KIF13A: variants seen among roughly 807,000 people sequenced by gnomAD.
KIF13A encodes the protein kinesin family member 13A.
In KIF13A, 79 loss-of-function variants were observed where a neutral mutation model predicts 212.2. That is an observed-to-expected ratio of 0.37 (90% CI 0.31 to 0.45). KIF13A has a LOEUF of 0.45. KIF13A is among the 20% of genes least tolerant of loss of function. The pLI, the probability that KIF13A is intolerant of heterozygous loss-of-function variation, is 1.00. For missense variants in KIF13A, 1,901 were observed against 2,209.0 expected (o/e 0.86, Z 2.79); for synonymous variants, 789 against 808.6 (o/e 0.98, Z 0.41).
chr6:17,986,871 G>A (rs1345098624), intron 2 of KIF13A, among the ~76,000 whole-genome samples, 183 bp downstream of exon 2: 2 of 152,206 alleles, frequency 1.3e-5, no homozygotes, highest in Non-Finnish European at 1.5e-5. Context: ...CGCTCTAGAT[G>A]GAGGAGAAGG....
At position 17,872,686 on chromosome 6, in the gene KIF13A, T is replaced by C. The variant is rs1770131021; in HGVS notation, c.220+691A>G. ...TGAGACAGAGTCTCACTCGGTCACC[T>C]AGGCTGTGGTGGGACCTCGGCTCAC... On this transcript the variant is annotated intron_variant, in intron 4 of 38. Coordinates refer to ENST00000259711, the MANE Select transcript of KIF13A (RefSeq NM_022113.6). This position sits in a 1 kb window ranked among gnomAD's most constrained non-coding sequence, Gnocchi z 4.7. Among the ~76,000 whole-genome samples, 1 of 152,194 alleles carries C rather than the reference T, an allele frequency of 6.6e-6. No individual in the cohort carries two copies. The highest frequency in any genetic ancestry group is 1.5e-5 in the Non-Finnish European group (1 of 68,044).
At chr6:17,846,602 T>C (rs558372443) in intron 9 of KIF13A, among the ~76,000 whole-genome samples, 642 of 36,036 alleles carry the variant, frequency 0.018, 7 homozygotes, top group African/African-American at 0.064. Flanking sequence ...ACCCCATTTC[T>C]TTAAAAAAAA....
At chr6:17,889,166 T>A (rs1317543270) in intron 3 of KIF13A, among the ~76,000 whole-genome samples, 1 of 152,242 alleles carries the variant, frequency 6.6e-6, no homozygotes, top group Non-Finnish European at 1.5e-5. Flanking sequence ...GCATAAGCTG[T>A]ACCTAATAAG....
At chr6:17,939,130 C>T (rs568679430) in intron 2 of KIF13A, among the ~76,000 whole-genome samples, 6 of 152,162 alleles carry the variant, frequency 3.9e-5, no homozygotes, top group Admixed American at 6.5e-5. Context: ...CACTTTAGGG[C>T]GCTTTCCGCC....
chr6:17,886,817 A>C lies in KIF13A; in HGVS notation c.159+11351T>G, dbSNP rs563094468. The stretch of plus-strand genomic sequence containing the variant: ...AACTCCATCTCAAAACAACAACAAC[A>C]ACCACAACTACTAACAACCACCACC... On this transcript the variant is annotated intron_variant, in intron 3 of 38. Coordinates refer to ENST00000259711, the MANE Select transcript of KIF13A (RefSeq NM_022113.6). The surrounding 1 kb of genome is among the most constrained non-coding windows in gnomAD (Gnocchi z 5.6). Among the ~76,000 whole-genome samples the C allele has an allele frequency of 5.9e-5, 9 of 151,946 alleles. No homozygotes were observed. Among genetic ancestry groups the C allele is most frequent in the African/African-American group, 1.2e-4 (5 of 41,348 alleles).
chr6:17,967,485 T>C lies in KIF13A; in HGVS notation c.146+19569A>G, dbSNP rs1314156415. Among the ~76,000 whole-genome samples the C allele has an allele frequency of 6.6e-6, 1 of 152,252 alleles. No individual in the cohort carries two copies. ...ATAAAGAAAGAGAGAACTCATCTTA[T>C]GCTCAATCACTCAAGGATGGAAAAC... On this transcript the variant is annotated intron_variant, in intron 2 of 38. Coordinates refer to ENST00000259711, the MANE Select transcript of KIF13A (RefSeq NM_022113.6). The surrounding 1 kb of genome is among the most constrained non-coding windows in gnomAD (Gnocchi z 4.1).
intron 18 of KIF13A, among the ~76,000 whole-genome samples, 170 bp from the exon 19 acceptor site, chr6:17,805,785 A>G (rs547168873): frequency 6.6e-6 from 1 of 152,346 alleles, no homozygotes; most frequent in Admixed American, 6.5e-5. Context: ...TCTACCTTCT[A>G]TGTACACTCA....
chr6:17,878,485 T>C (rs1347682903), intron 3 of KIF13A, among the ~76,000 whole-genome samples: 2 of 152,002 alleles, frequency 1.3e-5, no homozygotes, highest in Admixed American at 6.6e-5. Context: ...TCATGTTGTG[T>C]TGCCAAGGCT....
chr6:17,976,240 G>A (rs1033724454), intron 2 of KIF13A, among the ~76,000 whole-genome samples: 5 of 152,242 alleles, frequency 3.3e-5, no homozygotes, highest in South Asian at 2.1e-4. Flanking sequence ...AGAAGGGGCC[G>A]GCGCTCGTCA....
Position 17,799,885 on chromosome 6 carries a change from A to AT in KIF13A, c.2616+66dup. ...ACCCTGGATGAAAAACTCTCATAAG[A>AT]TTTTTTGTAAAATGGTTTTGCATGA... On this transcript the variant is annotated intron_variant, in intron 21 of 38. Transcript: ENST00000259711. The surrounding 1 kb of genome is among the most constrained non-coding windows in gnomAD (Gnocchi z 4.4). 3 of 1,548,616 alleles carry AT rather than the reference A, an allele frequency of 1.9e-6. No homozygotes were observed. Among genetic ancestry groups the AT allele is most frequent in the African/African-American group, 1.4e-5 (1 of 73,070 alleles).
At chr6:17,808,392 AAC>A (rs1424999840) in intron 18 of KIF13A, among the ~76,000 whole-genome samples, 4 of 89,946 alleles carry the variant, frequency 4.4e-5, no homozygotes, top group Admixed American at 2.0e-4. Context: ...TCTAAAAACA[AAC>A]AAACAAACAA....
Position 17,834,018 on chromosome 6 carries a change from T to G in KIF13A, c.1209A>C (p.Ile403=). Residue 403 remains isoleucine, a synonymous_variant, in exon 12 of 39, where the codon ATA becomes ATC. Coordinates refer to ENST00000259711, the MANE Select transcript of KIF13A (RefSeq NM_022113.6). This position sits in a 1 kb window ranked among gnomAD's most constrained non-coding sequence, Gnocchi z 4.0. The stretch of plus-strand genomic sequence containing the variant: ...CTTCCCAAGTCACTGTTAGTTCTTT[T>G]ATCAGCTTTTCAGACTCTTCGAGCT... ...KEKLEESEKL[I]KELTVTWEEK... 6.2e-7 allele frequency: 1 copy of G among 1,605,274 alleles called. No individual in the cohort carries two copies. Among genetic ancestry groups the G allele is most frequent in the Non-Finnish European group, 8.5e-7 (1 of 1,178,204 alleles).
intron 3 of KIF13A, among the ~76,000 whole-genome samples, chr6:17,896,647 C>A (rs775934413): frequency 6.6e-6 from 1 of 152,078 alleles, no homozygotes; most frequent in Admixed American, 6.6e-5. Flanking sequence ...TTCTTAGGAA[C>A]GATCAATAGG....
chr6:17,804,321 C>T (rs1218865814), intron 20 of KIF13A, 40 bp downstream of exon 20: 3 of 1,455,318 alleles, frequency 2.1e-6, no homozygotes, highest in East Asian at 5.1e-5. Context: ...AAACAAAAAA[C>T]TTGAACCACC....
rs953560861 is a variant in KIF13A, at chr6:17,987,265, C to A, written c.56-121G>T. 26 of 870,832 alleles carry A rather than the reference C, an allele frequency of 3.0e-5. No individual in the cohort carries two copies. In the African/African-American group the frequency reaches 4.5e-4, roughly 15 times the overall value. The allele number at this position is 870,832 out of a possible 1,614,324, so 53.9% of individuals were successfully genotyped here. A position where few individuals can be genotyped will look rare whatever the true frequency, so the allele number is the denominator to read the frequency against. ...GGCGGCCGAGCCTGGAGACGGCGCC[C>A]CGGGCACCACGGCCAGCGCGGACGC... On this transcript the variant is annotated intron_variant, in intron 1 of 38. Coordinates refer to ENST00000259711, the MANE Select transcript of KIF13A (RefSeq NM_022113.6). This position sits in a 1 kb window ranked among gnomAD's most constrained non-coding sequence, Gnocchi z 7.7.
At chr6:17,858,183 TG>T (rs1227706745) in intron 4 of KIF13A, among the ~76,000 whole-genome samples, 1 of 151,754 alleles carries the variant, frequency 6.6e-6, no homozygotes, top group African/African-American at 2.4e-5. Context: ...AAAAATGGAT[TG>T]GAAAAAATAT....
chr6:17,960,543 A>T (rs1778728066), intron 2 of KIF13A, among the ~76,000 whole-genome samples: 1 of 152,094 alleles, frequency 6.6e-6, no homozygotes, highest in Non-Finnish European at 1.5e-5. Flanking sequence ...AACCTTCAAT[A>T]CTATTACCCA....
intron 38 of KIF13A, 169 bp downstream of exon 38, chr6:17,770,945 G>A: frequency 1.8e-6 from 1 of 563,308 alleles, no homozygotes; most frequent in Non-Finnish European, 3.0e-6. Flanking sequence ...AAAATTGTAG[G>A]TCATGGCCAC....
intron 2 of KIF13A, among the ~76,000 whole-genome samples, chr6:17,907,661 A>G (rs1773641002): frequency 6.6e-6 from 1 of 152,204 alleles, no homozygotes; most frequent in Non-Finnish European, 1.5e-5. Flanking sequence ...AGGGGTATAA[A>G]TAAAGCCACA....
Sources: allele counts gnomAD v4.1 joint callset (sites outside exome capture counted in the v4.1 genomes callset), GRCh38; gene constraint gnomAD v4.1.1; non-coding constraint Gnocchi (gnomAD v3.1); transcripts MANE v1.5; gene names NCBI Gene and HGNC (gene_info 2026-07-23, HGNC 2026-07-21).